GALNTL6: variants seen among roughly 807,000 people sequenced by gnomAD.
GALNTL6 encodes the protein polypeptide N-acetylgalactosaminyltransferase like 6.
GALNTL6 carries 46 observed loss-of-function variants against 73.7 expected under a neutral mutation model. The ratio of observed to expected loss-of-function variants is 0.62; its 90% CI spans 0.49 to 0.80. The LOEUF is 0.80. Ranked by LOEUF, GALNTL6 falls within the 30% of genes least tolerant of loss-of-function variation. The pLI, the probability that GALNTL6 is intolerant of heterozygous loss-of-function variation, is 0.00. For synonymous variants in GALNTL6, 259 were observed against 263.7 expected, an observed-to-expected ratio of 0.98 and a Z score of 0.17; for missense variants, 604 against 755.0, an observed-to-expected ratio of 0.80 and a Z score of 2.34.
intron 5 of GALNTL6, among the ~76,000 whole-genome samples, chr4:172,631,326 G>A (rs751542607): frequency 2.0e-5 from 3 of 151,670 alleles, no homozygotes; most frequent in Non-Finnish European, 4.4e-5. Flanking sequence ...TTGTATTTTA[G>A]CAGAGACTGG....
At chr4:172,713,443 G>C (rs1479582406) in intron 5 of GALNTL6, among the ~76,000 whole-genome samples, 2 of 151,938 alleles carry the variant, frequency 1.3e-5, no homozygotes, top group Non-Finnish European at 2.9e-5. Context: ...CAGGAGATCA[G>C]TCTTTTATTC....
At chr4:172,771,173 C>G (rs974052473) in intron 5 of GALNTL6, among the ~76,000 whole-genome samples, 1 of 152,190 alleles carries the variant, frequency 6.6e-6, no homozygotes, top group African/African-American at 2.4e-5. Context: ...TCCAAACATA[C>G]TACATTTCTG....
chr4:171,873,238 G>A (rs1053937682), intron 2 of GALNTL6, among the ~76,000 whole-genome samples: 2 of 152,048 alleles, frequency 1.3e-5, no homozygotes, highest in South Asian at 4.1e-4. Flanking sequence ...TTGGACCTTG[G>A]CAGAACCAAT....
intron 2 of GALNTL6, among the ~76,000 whole-genome samples, chr4:172,124,010 GTGCTT>G (rs1348235866): frequency 6.6e-6 from 1 of 152,040 alleles, no homozygotes; most frequent in Non-Finnish European, 1.5e-5. Context: ...TCTGAAGGAA[GTGCTT>G]TTAGAGAAAA....
intron 5 of GALNTL6, among the ~76,000 whole-genome samples, chr4:172,371,405 C>T (rs978785953): frequency 2.0e-5 from 3 of 152,230 alleles, no homozygotes; most frequent in Non-Finnish European, 4.4e-5. Context: ...ACACTGACAA[C>T]AAGGTGGTAT....
intron 2 of GALNTL6, among the ~76,000 whole-genome samples, chr4:172,027,971 T>C (rs1378917272): frequency 6.6e-6 from 1 of 152,098 alleles, no homozygotes; most frequent in Non-Finnish European, 1.5e-5. Context: ...AACAGAAAAG[T>C]GCAAAGTATA....
At chr4:172,637,946 C>A (rs1457044638) in intron 5 of GALNTL6, among the ~76,000 whole-genome samples, 1 of 152,066 alleles carries the variant, frequency 6.6e-6, no homozygotes, top group Non-Finnish European at 1.5e-5. Context: ...GATTCCTAAA[C>A]CTTTTCTATT....
chr4:172,360,958 G>C (rs899546225), intron 5 of GALNTL6, among the ~76,000 whole-genome samples: 1 of 152,078 alleles, frequency 6.6e-6, no homozygotes, highest in African/African-American at 2.4e-5. Context: ...AGCTTCTTCA[G>C]CTTGCTCCCT....
intron 3 of GALNTL6, among the ~76,000 whole-genome samples, chr4:172,303,218 T>C (rs1209962195): frequency 1.3e-5 from 2 of 152,134 alleles, no homozygotes; most frequent in African/African-American, 4.8e-5. Context: ...CAGGCTGGTC[T>C]TGAACTCCTG....
chr4:172,082,126 C>T (rs1731899189), intron 2 of GALNTL6, among the ~76,000 whole-genome samples: 1 of 152,106 alleles, frequency 6.6e-6, no homozygotes, highest in African/African-American at 2.4e-5. Flanking sequence ...ATCCAGCTGC[C>T]TCGGCCTCCC....
intron 5 of GALNTL6, among the ~76,000 whole-genome samples, chr4:172,441,055 T>C (rs1403289625): frequency 6.6e-6 from 1 of 152,152 alleles, no homozygotes; most frequent in East Asian, 1.9e-4. Context: ...TTATGTTTTC[T>C]TCATTAAATT....
chr4:172,674,721 G>A (rs1021037687), intron 5 of GALNTL6, among the ~76,000 whole-genome samples: 3 of 151,998 alleles, frequency 2.0e-5, no homozygotes, highest in Admixed American at 1.3e-4. Context: ...CAGACAGCCA[G>A]TCTTGAAGCT....
intron 2 of GALNTL6, among the ~76,000 whole-genome samples, chr4:171,898,257 A>G (rs1035181395): frequency 3.9e-5 from 6 of 152,104 alleles, no homozygotes; most frequent in Admixed American, 6.5e-5. Flanking sequence ...ATTCTCATAC[A>G]TTTCTGATAG....
chr4:172,603,324 G>C (rs1235760921), intron 5 of GALNTL6, among the ~76,000 whole-genome samples: 2 of 152,122 alleles, frequency 1.3e-5, no homozygotes, highest in Non-Finnish European at 2.9e-5. Context: ...GCTCTTACAA[G>C]TTCAAATATT....
chr4:172,639,262 C>T (rs1739847752), intron 5 of GALNTL6, among the ~76,000 whole-genome samples: 1 of 152,124 alleles, frequency 6.6e-6, no homozygotes, highest in Non-Finnish European at 1.5e-5. Context: ...TGATCCAAAA[C>T]TCTCAACCCT....
At chr4:172,219,219 A>G (rs976547269) in intron 2 of GALNTL6, among the ~76,000 whole-genome samples, 1 of 147,258 alleles carries the variant, frequency 6.8e-6, no homozygotes, top group Non-Finnish European at 1.5e-5. Flanking sequence ...ATATATATAT[A>G]TATAATCCTT....
chr4:171,896,353 C>G (rs1736917720), intron 2 of GALNTL6, among the ~76,000 whole-genome samples: 1 of 152,142 alleles, frequency 6.6e-6, no homozygotes, highest in Non-Finnish European at 1.5e-5. Flanking sequence ...CAACAATAGC[C>G]TCAGTCATGA....
intron 5 of GALNTL6, among the ~76,000 whole-genome samples, chr4:172,363,647 C>A (rs1742455777): frequency 6.6e-6 from 1 of 152,126 alleles, no homozygotes; most frequent in African/African-American, 2.4e-5. Context: ...TCTATCTTTA[C>A]TACCAATTAA....
At chr4:172,306,036 T>C (rs1048376020) in intron 3 of GALNTL6, among the ~76,000 whole-genome samples, 7 of 152,320 alleles carry the variant, frequency 4.6e-5, no homozygotes, top group African/African-American at 1.7e-4. Context: ...TACAAACATT[T>C]TTTAAAAGAA....
Sources: gnomAD v4.1 joint callset for allele counts (sites outside exome capture counted in the v4.1 genomes callset) on GRCh38, gnomAD v4.1.1 for gene constraint, MANE v1.5 for transcripts, NCBI Gene and HGNC (gene_info 2026-07-23, HGNC 2026-07-21) for gene names.